CDH13: variants seen among roughly 807,000 people sequenced by gnomAD.
CDH13 encodes the protein cadherin-13.
A neutral mutation model predicts 63.8 loss-of-function variants in CDH13; 24 were observed. The observed-to-expected ratio is 0.38, with a 90% CI of 0.27 to 0.53. CDH13 has a LOEUF of 0.53. Among genes scored for constraint, CDH13 ranks in the 20% least tolerant of loss-of-function variants. The pLI, the probability that CDH13 is intolerant of heterozygous loss-of-function variation, is 0.85. For missense variants in CDH13, 1,049 were observed against 903.1 expected (o/e 1.16, Z -2.07); for synonymous variants, 503 against 355.3 (o/e 1.42, Z -4.67).
intron 1 of CDH13, among the ~76,000 whole-genome samples, chr16:82,795,303 G>A (rs866654733): frequency 6.6e-5 from 10 of 152,216 alleles, no homozygotes; most frequent in Non-Finnish European, 1.3e-4. Context: ...CTCAGCCTCA[G>A]TGGACCACCT....
At chr16:82,823,088 T>C (rs62036832) in intron 1 of CDH13, 6,550 of 152,364 alleles carry the variant, frequency 0.043, 202 homozygotes, top group South Asian at 0.069. Context: ...GTTTTACAAG[T>C]TGGCCTGAGG....
At chr16:83,386,256 C>A (rs2091672145) in intron 6 of CDH13, among the ~76,000 whole-genome samples, 2 of 152,170 alleles carry the variant, frequency 1.3e-5, no homozygotes, top group African/African-American at 2.4e-5. Flanking sequence ...TGGCCACGAT[C>A]TCTTGACCGA....
intron 3 of CDH13, among the ~76,000 whole-genome samples, chr16:83,087,678 A>AG (rs2033678914): frequency 6.7e-6 from 1 of 148,494 alleles, no homozygotes; most frequent in Non-Finnish European, 1.5e-5. Flanking sequence ...TCTCAAAAAA[A>AG]AAAAAAAAAA....
intron 7 of CDH13, among the ~76,000 whole-genome samples, chr16:83,515,074 C>T (rs577039593): frequency 6.6e-6 from 1 of 152,110 alleles, no homozygotes; most frequent in East Asian, 1.9e-4. Flanking sequence ...AATCTAGAAT[C>T]TGGTTTCCTC....
intron 1 of CDH13, among the ~76,000 whole-genome samples, chr16:82,817,568 C>T (rs2037782114): frequency 1.3e-5 from 2 of 152,080 alleles, no homozygotes; most frequent in African/African-American, 2.4e-5. Flanking sequence ...CTTTGGGAGG[C>T]CGAGGTGGGT....
At chr16:82,668,982 G>T (rs1044206419) in intron 1 of CDH13, among the ~76,000 whole-genome samples, 1 of 152,186 alleles carries the variant, frequency 6.6e-6, no homozygotes, top group South Asian at 2.1e-4. Flanking sequence ...GGTGTACCTG[G>T]CACAGTGCAG....
chr16:83,575,126 A>C lies in CDH13; in HGVS notation c.961-27328A>C, dbSNP rs543158020. Among the ~76,000 whole-genome samples, 40 of 152,322 alleles carry C rather than the reference A, an allele frequency of 2.6e-4. No homozygotes were observed. In the South Asian group the frequency reaches 7.7e-3, roughly 29 times the overall value. ...TTGCTGAAGCCACCTGGCTTGTGGA[A>C]CTTTGTTCCGGCAGCCATGGAAAAT... On this transcript the variant is annotated intron_variant, in intron 7 of 13. Coordinates refer to ENST00000567109, the MANE Select transcript of CDH13 (RefSeq NM_001257.5).
At chr16:83,152,270 A>G (rs2037015078) in intron 4 of CDH13, among the ~76,000 whole-genome samples, 2 of 152,216 alleles carry the variant, frequency 1.3e-5, no homozygotes, top group African/African-American at 4.8e-5. Flanking sequence ...TAAATGATCC[A>G]CGACAAGGAA....
chr16:83,236,327 T>C (rs2040143330), intron 5 of CDH13, among the ~76,000 whole-genome samples: 1 of 152,062 alleles, frequency 6.6e-6, no homozygotes, highest in Non-Finnish European at 1.5e-5. Flanking sequence ...TTCCTTAAAA[T>C]GTACAGTGGA....
intron 1 of CDH13, among the ~76,000 whole-genome samples, chr16:82,841,860 C>T (rs898661843): frequency 6.6e-6 from 1 of 151,980 alleles, no homozygotes; most frequent in African/African-American, 2.4e-5. Context: ...CAGTTGTACA[C>T]AGCTCTTCAC....
At chr16:83,404,913 T>C (rs575454755) in intron 6 of CDH13, among the ~76,000 whole-genome samples, 2 of 152,294 alleles carry the variant, frequency 1.3e-5, no homozygotes, top group South Asian at 2.1e-4. Flanking sequence ...TGAACCATAA[T>C]CCTCAAAAAC....
intron 6 of CDH13, among the ~76,000 whole-genome samples, chr16:83,386,557 G>C (rs764179948): frequency 6.6e-6 from 1 of 152,176 alleles, no homozygotes; most frequent in Non-Finnish European, 1.5e-5. Context: ...TACCCGGATA[G>C]TATTACCCAC....
In CDH13 at chr16:83,126,723, C is replaced by T. The variant is rs765582409; in HGVS notation, c.483+1222C>T. Among the ~76,000 whole-genome samples, 14 of 152,152 alleles carry T rather than the reference C, an allele frequency of 9.2e-5. No homozygotes were observed. The East Asian group carries it at 9.7e-4, about 10-fold the overall frequency. On this transcript the variant is annotated intron_variant, in intron 4 of 13. Coordinates refer to ENST00000567109, the MANE Select transcript of CDH13 (RefSeq NM_001257.5). ...ATCAGACATTGGTGAGCCTGGAATT[C>T]GAAAAATGGTGGTTGGTTAAATGAA...
Position 83,047,165 on chromosome 16 carries a change from G to A in CDH13, c.366+14947G>A, listed in dbSNP as rs1380261999. Among the ~76,000 whole-genome samples the A allele has an allele frequency of 6.6e-6, 1 of 152,152 alleles. No individual in the cohort carries two copies. Among genetic ancestry groups the A allele is most frequent in the Non-Finnish European group, 1.5e-5 (1 of 68,034 alleles). On this transcript the variant is annotated intron_variant, in intron 3 of 13. Transcript: ENST00000567109. This position sits in a 1 kb window ranked among gnomAD's most constrained non-coding sequence, Gnocchi z 4.9. ...AGTTCTCCGTGAGACCCAAGGAAAG[G>A]TCTGCAGACTATAAGCAGACTTTAT...
At chr16:83,377,712 T>C (rs187331973) in intron 6 of CDH13, among the ~76,000 whole-genome samples, 1 of 152,202 alleles carries the variant, frequency 6.6e-6, no homozygotes, top group Non-Finnish European at 1.5e-5. Flanking sequence ...CCCACACTTA[T>C]GCCATTTCTT....
chr16:83,054,268 A>G (rs1014185002), intron 3 of CDH13, among the ~76,000 whole-genome samples: 2 of 152,250 alleles, frequency 1.3e-5, no homozygotes, highest in African/African-American at 4.8e-5. Context: ...ATATGCAAAT[A>G]TGACAAAGTT....
intron 7 of CDH13, among the ~76,000 whole-genome samples, chr16:83,501,259 T>C (rs1428706651): frequency 1.3e-5 from 2 of 152,218 alleles, no homozygotes; most frequent in East Asian, 1.9e-4. Flanking sequence ...GAAATGACCA[T>C]TGAAATTCAG....
intron 3 of CDH13, among the ~76,000 whole-genome samples, chr16:83,062,593 G>A (rs997166297): frequency 1.1e-4 from 16 of 152,178 alleles, no homozygotes; most frequent in Admixed American, 2.0e-4. Context: ...GGAAGTGATC[G>A]TCAGAATAAC....
chr16:83,273,445 C>T (rs555411513), intron 5 of CDH13, among the ~76,000 whole-genome samples: 2 of 151,936 alleles, frequency 1.3e-5, no homozygotes, highest in South Asian at 4.1e-4. Context: ...TAAGTGAGAA[C>T]AAGGGCATTT....
Sources: gnomAD v4.1 joint callset for allele counts (sites outside exome capture counted in the v4.1 genomes callset) on GRCh38, gnomAD v4.1.1 for gene constraint, Gnocchi (gnomAD v3.1) non-coding constraint, MANE v1.5 for transcripts, NCBI Gene and HGNC (gene_info 2026-07-23, HGNC 2026-07-21) for gene names.